The following RALGAPA2 variants were observed in gnomAD, a reference collection of about 807,000 sequenced individuals.
The protein encoded by RALGAPA2 is ral GTPase-activating protein subunit alpha-2.
RALGAPA2 carries 139 observed loss-of-function variants against 230.4 expected under a neutral mutation model. The observed-to-expected ratio is 0.60, with a 90% CI of 0.53 to 0.69. RALGAPA2 has a LOEUF of 0.69. RALGAPA2 is among the 30% of genes least tolerant of loss of function. The pLI is 0.00. For synonymous variants in RALGAPA2, 847 were observed against 837.8 expected (o/e 1.01, Z -0.19); for missense variants, 2,163 against 2,276.0 (o/e 0.95, Z 1.01).
chr20:20,581,048 C>G (rs1359779259), intron 20 of RALGAPA2, among the ~76,000 whole-genome samples: 1 of 152,100 alleles, frequency 6.6e-6, no homozygotes, highest in African/African-American at 2.4e-5. Context: ...ACAGTTTGTC[C>G]TTTTCACAGA....
Position 20,524,498 on chromosome 20 carries a change from A to C in RALGAPA2, c.3808T>G (p.Leu1270Val), listed in dbSNP as rs1322747359. The C allele has an allele frequency of 6.2e-6, 10 of 1,613,820 alleles. No homozygotes were observed. Among genetic ancestry groups the C allele is most frequent in the Non-Finnish European group, 8.5e-6 (10 of 1,179,860 alleles). The change falls in exon 30 of 40, where the codon TTG becomes GTG. Residue 1270 changes from leucine to valine, a missense_variant. Transcript: ENST00000202677. Reference sequence around the variant, plus strand: ...GGGTGGAGAAGGACACTCACGGGCAATGCCATGCACCAGTCCAAGAGGCAG... The same window carrying C: ...GGGTGGAGAAGGACACTCACGGGCACTGCCATGCACCAGTCCAAGAGGCAG... ...LLCLLDWCMA[L>V]PVSVLLHPVS... is the part of the protein sequence containing the mutation.
intron 1 of RALGAPA2, among the ~76,000 whole-genome samples, chr20:20,708,597 A>T (rs550512533): frequency 2.3e-4 from 35 of 152,314 alleles, no homozygotes; most frequent in Non-Finnish European, 4.1e-4. Context: ...GGCATGTGGA[A>T]CTGTGAGTCA....
chr20:20,677,935 C>T (rs1044197666), intron 2 of RALGAPA2, among the ~76,000 whole-genome samples: 2 of 151,960 alleles, frequency 1.3e-5, no homozygotes, highest in Non-Finnish European at 2.9e-5. Context: ...TGTGAGCCAC[C>T]GCGCCTGACT....
chr20:20,533,817 A>T (rs1452031646), intron 26 of RALGAPA2, among the ~76,000 whole-genome samples: 1 of 152,136 alleles, frequency 6.6e-6, no homozygotes, highest in Non-Finnish European at 1.5e-5. Context: ...GACATCAGTA[A>T]AAAAAGATAC....
chr20:20,708,384 C>A (rs111654901), intron 1 of RALGAPA2, among the ~76,000 whole-genome samples: 1,679 of 152,226 alleles, frequency 0.011, 30 homozygotes, highest in African/African-American at 0.039. Flanking sequence ...TTGTAATAAT[C>A]CCCATATGTC....
intron 3 of RALGAPA2, chr20:20,659,823 G>A: frequency 1.3e-6 from 1 of 797,096 alleles, no homozygotes; most frequent in Non-Finnish European, 2.0e-6. Flanking sequence ...ACAAGAATCA[G>A]AGCAGCAGCA....
intron 37 of RALGAPA2, among the ~76,000 whole-genome samples, chr20:20,444,785 G>A (rs953323535): frequency 3.3e-5 from 5 of 152,186 alleles, no homozygotes; most frequent in Admixed American, 2.0e-4. Flanking sequence ...CCCCTTCTCC[G>A]TGACTTCCTT....
At chr20:20,483,176 G>A (rs1182424756) in intron 36 of RALGAPA2, among the ~76,000 whole-genome samples, 1 of 152,200 alleles carries the variant, frequency 6.6e-6, no homozygotes, top group Non-Finnish European at 1.5e-5. Flanking sequence ...AAGTCAGGTA[G>A]GAAAGAGTAC....
At chr20:20,597,622 C>T (rs1290265113) in intron 16 of RALGAPA2, among the ~76,000 whole-genome samples, 1 of 152,046 alleles carries the variant, frequency 6.6e-6, no homozygotes, top group Non-Finnish European at 1.5e-5. Flanking sequence ...AGGTGGGTCA[C>T]GAAGTCAGGA....
Position 20,629,499 on chromosome 20 carries a change from G to A in RALGAPA2, c.1097C>T (p.Thr366Ile), listed in dbSNP as rs781298500. ...EQDKSHSNSSTLSDRRLSNSS... is the reference protein window; with the variant it reads ...EQDKSHSNSSILSDRRLSNSS... ...GTTGCTGAGTCTTCGGTCCGACAAG[G>A]TGCTGCTGTTAGAATGGCTTTTGTC... is the stretch of plus-strand genomic sequence containing the variant. The change falls in exon 10 of 40, where the codon ACC becomes ATC. Residue 366 changes from threonine to isoleucine, a missense_variant. Transcript: ENST00000202677. 3 of 1,613,916 alleles carry A rather than the reference G, an allele frequency of 1.9e-6. No homozygotes were observed. The highest frequency in any genetic ancestry group is 1.1e-5 in the South Asian group (1 of 91,072).
intron 23 of RALGAPA2, among the ~76,000 whole-genome samples, chr20:20,551,894 G>A (rs146181271): frequency 3.5e-4 from 54 of 152,178 alleles, no homozygotes; most frequent in African/African-American, 6.3e-4. Context: ...GGAAGGATTC[G>A]TTCTGGAAGC....
At chr20:20,682,520 C>A (rs1219256509) in intron 1 of RALGAPA2, among the ~76,000 whole-genome samples, 2 of 152,156 alleles carry the variant, frequency 1.3e-5, no homozygotes, top group Non-Finnish European at 2.9e-5. Flanking sequence ...CCCCATCTTA[C>A]CCCCAAGACT....
intron 37 of RALGAPA2, among the ~76,000 whole-genome samples, chr20:20,457,073 G>T (rs2061139593): frequency 6.6e-6 from 1 of 152,134 alleles, no homozygotes; most frequent in Non-Finnish European, 1.5e-5. Flanking sequence ...CTCCAATGAT[G>T]AACTCAATTA....
At chr20:20,691,141 C>A (rs945181228) in intron 1 of RALGAPA2, among the ~76,000 whole-genome samples, 1 of 152,172 alleles carries the variant, frequency 6.6e-6, no homozygotes, top group Non-Finnish European at 1.5e-5. Flanking sequence ...TCTCTCGTCA[C>A]CCGCTATTTC....
intron 33 of RALGAPA2, among the ~76,000 whole-genome samples, chr20:20,510,911 G>GC (rs2062686796): frequency 6.6e-6 from 1 of 152,188 alleles, no homozygotes; most frequent in Non-Finnish European, 1.5e-5. Context: ...TATGGTATGA[G>GC]CAACCACGGG....
chr20:20,481,488 T>A (rs528276411), intron 36 of RALGAPA2, among the ~76,000 whole-genome samples: 1 of 152,342 alleles, frequency 6.6e-6, no homozygotes, highest in South Asian at 2.1e-4. Context: ...CCCAGTTTGG[T>A]CAGTTATTCA....
At position 20,472,996 on chromosome 20, in the gene RALGAPA2, T is replaced by C. The variant is rs765305455; in HGVS notation, c.5368-40A>G. The C allele has an allele frequency of 3.8e-6, 6 of 1,571,522 alleles. No individual in the cohort carries two copies. In the South Asian group the frequency reaches 4.6e-5, roughly 12 times the overall value. On this transcript the variant is annotated intron_variant, in intron 36 of 39. Coordinates refer to ENST00000202677, the MANE Select transcript of RALGAPA2 (RefSeq NM_020343.4). The stretch of plus-strand genomic sequence containing the variant: ...TGGAAAAACAAATTTTAAAAACTGA[T>C]AAAAGTCAAATCAAAGATATGAGAG...
At chr20:20,703,168 A>G (rs1205350614) in intron 1 of RALGAPA2, among the ~76,000 whole-genome samples, 2 of 151,916 alleles carry the variant, frequency 1.3e-5, no homozygotes, top group Admixed American at 1.3e-4. Flanking sequence ...CCAAGACTCC[A>G]TCTCAAAAAA....
chr20:20,542,486 A>C (rs1006800537), intron 24 of RALGAPA2, among the ~76,000 whole-genome samples: 1 of 152,250 alleles, frequency 6.6e-6, no homozygotes, highest in Non-Finnish European at 1.5e-5. Flanking sequence ...AGCTGGAGGC[A>C]TCACGATACC....
Sources: gnomAD v4.1 joint callset for allele counts (sites outside exome capture counted in the v4.1 genomes callset) on GRCh38, gnomAD v4.1.1 for gene constraint, MANE v1.5 for transcripts, NCBI Gene and HGNC (gene_info 2026-07-23, HGNC 2026-07-21) for gene names.